Variants in TSPAN14 observed in about 807,000 individuals in gnomAD.
The protein encoded by TSPAN14 is tetraspanin-14.
Under a neutral mutation model 36.6 loss-of-function variants are expected in TSPAN14, and 16 were observed. The observed-to-expected ratio is 0.44, with a 90% CI of 0.30 to 0.66. The LOEUF is 0.66. Among genes scored for constraint, TSPAN14 ranks in the 30% least tolerant of loss-of-function variants. The probability of loss-of-function intolerance (pLI) is 0.12; values close to 1 mark genes in which losing one functional copy is unlikely to be tolerated. For missense variants in TSPAN14, 231 were observed against 355.1 expected, an observed-to-expected ratio of 0.65 and a Z score of 2.81; for synonymous variants, 139 against 143.8, an observed-to-expected ratio of 0.97 and a Z score of 0.24.
In TSPAN14 at chr10:80,509,657, T is replaced by G; in HGVS notation, c.450+186T>G. 1.6e-6 allele frequency: 1 copy of G among 640,092 alleles called. No individual in the cohort carries two copies. The highest frequency in any genetic ancestry group is 2.6e-6 in the Non-Finnish European group (1 of 384,558). 39.7% of individuals were successfully genotyped at this position (640,092 alleles called of 1,614,324 possible). A position where few individuals can be genotyped will look rare whatever the true frequency, so the allele number is the denominator to read the frequency against. ...TCCACTTTGCCGGCTTGTGGTTGCC[T>G]GGTGGGCCAGCCCTTTCCCATTGGG... On this transcript the variant is annotated intron_variant, in intron 5 of 8. Transcript: ENST00000429989. The surrounding 1 kb of genome is among the most constrained non-coding windows in gnomAD (Gnocchi z 4.7).
intron 1 of TSPAN14, among the ~76,000 whole-genome samples, chr10:80,461,970 G>A (rs907343609): frequency 4.0e-5 from 6 of 151,536 alleles, no homozygotes; most frequent in African/African-American, 1.5e-4. Flanking sequence ...CTGGAGTGCA[G>A]TGGCCCTATC....
At chr10:80,491,020 GAA>G (rs1426094880) in intron 2 of TSPAN14, among the ~76,000 whole-genome samples, 4 of 152,174 alleles carry the variant, frequency 2.6e-5, no homozygotes, top group African/African-American at 9.7e-5. Context: ...TGGAACTCTT[GAA>G]AACAAGGCAG....
intron 1 of TSPAN14, among the ~76,000 whole-genome samples, chr10:80,482,808 T>G (rs1847365675): frequency 6.8e-6 from 1 of 147,192 alleles, no homozygotes; most frequent in Non-Finnish European, 1.5e-5. Context: ...CGATCTCGGC[T>G]CACTGCAACC....
chr10:80,501,827 A>G (rs1848539619), intron 2 of TSPAN14, among the ~76,000 whole-genome samples: 1 of 152,206 alleles, frequency 6.6e-6, no homozygotes, highest in Admixed American at 6.5e-5. Context: ...GACCCAGGCA[A>G]GCACTGTCCT....
intron 2 of TSPAN14, among the ~76,000 whole-genome samples, chr10:80,502,263 T>C (rs1405071097): frequency 2.0e-5 from 3 of 152,034 alleles, no homozygotes; most frequent in African/African-American, 7.3e-5. Flanking sequence ...GTGGGAGATG[T>C]GTGTGAAGCC....
intron 1 of TSPAN14, among the ~76,000 whole-genome samples, chr10:80,464,183 C>T (rs72819575): frequency 0.022 from 3,294 of 152,232 alleles, 61 homozygotes; most frequent in Non-Finnish European, 0.029. Context: ...GCAGATTTTC[C>T]CGCAGTGTCA....
intron 2 of TSPAN14, among the ~76,000 whole-genome samples, chr10:80,501,215 T>A (rs551201088): frequency 6.7e-6 from 1 of 149,322 alleles, no homozygotes; most frequent in African/African-American, 2.5e-5. Context: ...CAAGCAGTCC[T>A]CCCACCTCGG....
intron 3 of TSPAN14, among the ~76,000 whole-genome samples, chr10:80,505,460 G>A (rs1173979067): frequency 2.6e-5 from 4 of 152,152 alleles, no homozygotes; most frequent in Admixed American, 6.5e-5. Context: ...GAAGCAGTAA[G>A]GTGGAGCAGG....
intron 1 of TSPAN14, among the ~76,000 whole-genome samples, chr10:80,483,442 T>C (rs767357978): frequency 1.3e-5 from 2 of 152,230 alleles, no homozygotes; most frequent in Non-Finnish European, 2.9e-5. Context: ...TTAATGTGTA[T>C]TCTTTTTCTG....
At chr10:80,503,674 A>G (rs1848652040) in intron 2 of TSPAN14, among the ~76,000 whole-genome samples, 1 of 152,084 alleles carries the variant, frequency 6.6e-6, no homozygotes, top group Non-Finnish European at 1.5e-5. Context: ...ATCACAGATC[A>G]CTTTCAGGTT....
chr10:80,509,533 A>C lies in TSPAN14; in HGVS notation c.450+62A>C. 2 of 1,557,680 alleles carry C rather than the reference A, an allele frequency of 1.3e-6. No homozygotes were observed. The highest frequency in any genetic ancestry group is 1.7e-6 in the Non-Finnish European group (2 of 1,145,920). ...CACCTCCCTGTGCTGCCTGGAGCTG[A>C]GTCTAGCAGGGGCATCAGGCCTTCT... is the stretch of plus-strand genomic sequence containing the variant. On this transcript the variant is annotated intron_variant, in intron 5 of 8. Coordinates refer to ENST00000429989, the Ensembl canonical transcript of TSPAN14. The surrounding 1 kb of genome is among the most constrained non-coding windows in gnomAD (Gnocchi z 4.7).
At chr10:80,512,514 A>G (rs1379646022) in intron 6 of TSPAN14, among the ~76,000 whole-genome samples, 2 of 152,108 alleles carry the variant, frequency 1.3e-5, no homozygotes, top group Admixed American at 6.5e-5. Flanking sequence ...AAACAGTATT[A>G]TTTCTACCTG....
chr10:80,476,502 G>A (rs945914528), intron 1 of TSPAN14, among the ~76,000 whole-genome samples: 2 of 129,358 alleles, frequency 1.5e-5, no homozygotes, highest in African/African-American at 5.8e-5. Flanking sequence ...TGCAAGCTCC[G>A]CCTCCCGGGT....
chr10:80,456,236 T>A (rs558541519), intron 1 of TSPAN14, among the ~76,000 whole-genome samples: 2 of 152,176 alleles, frequency 1.3e-5, no homozygotes, highest in African/African-American at 2.4e-5. Context: ...CGTAGCAGGA[T>A]CATTTAGGGA....
At chr10:80,500,832 A>G (rs112255974) in intron 2 of TSPAN14, among the ~76,000 whole-genome samples, 1 of 152,326 alleles carries the variant, frequency 6.6e-6, no homozygotes, top group African/African-American at 2.4e-5. Context: ...GCGGCCCTGC[A>G]TGTGGGGAAG....
chr10:80,509,271 G>A lies in TSPAN14; in HGVS notation c.280-30G>A. On this transcript the variant is annotated intron_variant, in intron 4 of 8. Coordinates refer to ENST00000429989, the Ensembl canonical transcript of TSPAN14. The surrounding 1 kb of genome is among the most constrained non-coding windows in gnomAD (Gnocchi z 4.7). ...TGGGGGTGCAGGCTGGTGGGGTGGT[G>A]ACTTCTGCTCCCGTCCCCTTCCCCT... The A allele has an allele frequency of 1.2e-6, 2 of 1,604,370 alleles. No individual in the cohort carries two copies. Among genetic ancestry groups the A allele is most frequent in the Non-Finnish European group, 1.7e-6 (2 of 1,175,124 alleles).
chr10:80,504,877 A>G, intron 3 of TSPAN14, 99 bp downstream of exon 3: 2 of 1,317,588 alleles, frequency 1.5e-6, no homozygotes, highest in African/African-American at 1.4e-5. Context: ...GACAACAAGC[A>G]TTTCTTGTGC....
chr10:80,465,278 G>T (rs1846181364), intron 1 of TSPAN14, among the ~76,000 whole-genome samples: 1 of 151,700 alleles, frequency 6.6e-6, no homozygotes, highest in South Asian at 2.1e-4. Context: ...GTGCCTCAGT[G>T]CTCAGCCCAG....
At position 80,509,266 on chromosome 10, in the gene TSPAN14, G is replaced by T. The variant is rs766590194; in HGVS notation, c.280-35G>T. ...GTGTGTGGGGGTGCAGGCTGGTGGGGTGGTGACTTCTGCTCCCGTCCCCTT... is the reference window on the plus strand; with the variant it reads ...GTGTGTGGGGGTGCAGGCTGGTGGGTTGGTGACTTCTGCTCCCGTCCCCTT... On this transcript the variant is annotated intron_variant, in intron 4 of 8. Coordinates refer to ENST00000429989, the Ensembl canonical transcript of TSPAN14. This position sits in a 1 kb window ranked among gnomAD's most constrained non-coding sequence, Gnocchi z 4.7. The T allele has an allele frequency of 6.2e-7, 1 of 1,601,526 alleles. No individual in the cohort carries two copies. The highest frequency in any genetic ancestry group is 1.1e-5 in the South Asian group (1 of 89,044).
Sources: gnomAD v4.1 joint callset for allele counts (sites outside exome capture counted in the v4.1 genomes callset) on GRCh38, gnomAD v4.1.1 for gene constraint, Gnocchi (gnomAD v3.1) non-coding constraint, MANE v1.5 for transcripts, NCBI Gene and HGNC (gene_info 2026-07-23, HGNC 2026-07-21) for gene names.